VPS35L: variants seen among roughly 807,000 people sequenced by gnomAD.
VPS35L encodes the protein VPS35 endosomal protein-sorting factor-like.
VPS35L carries 83 observed loss-of-function variants against 133.0 expected under a neutral mutation model. That is an observed-to-expected ratio of 0.62 (90% CI 0.52 to 0.75). The LOEUF is 0.75. VPS35L is among the 30% of genes least tolerant of loss of function. The probability of loss-of-function intolerance (pLI) is 0.00; values close to 1 mark genes in which losing one functional copy is unlikely to be tolerated. For synonymous variants in VPS35L, 423 were observed against 449.9 expected (o/e 0.94, Z 0.76); for missense variants, 1,083 against 1,206.8 (o/e 0.90, Z 1.52).
chr16:19,583,224 C>T (rs956443937), intron 7 of VPS35L, among the ~76,000 whole-genome samples: 1 of 152,018 alleles, frequency 6.6e-6, no homozygotes, highest in Non-Finnish European at 1.5e-5. Flanking sequence ...TCCCCAGATT[C>T]CCCCGAGCCT....
intron 19 of VPS35L, among the ~76,000 whole-genome samples, chr16:19,636,761 T>A (rs916724146): frequency 2.6e-5 from 4 of 152,354 alleles, no homozygotes; most frequent in African/African-American, 4.8e-5. Flanking sequence ...TGGAGAGTTC[T>A]ATTTTATTTA....
chr16:19,609,674 G>C (rs1972648303), intron 11 of VPS35L, among the ~76,000 whole-genome samples: 1 of 152,200 alleles, frequency 6.6e-6, no homozygotes, highest in Non-Finnish European at 1.5e-5. Flanking sequence ...GGGAGTGACT[G>C]ATTCATGGTG....
intron 12 of VPS35L, among the ~76,000 whole-genome samples, chr16:19,613,119 G>T (rs1008645504): frequency 6.6e-6 from 1 of 152,142 alleles, no homozygotes; most frequent in Non-Finnish European, 1.5e-5. Flanking sequence ...TGGCCAACAT[G>T]GCAAAAACCT....
intron 27 of VPS35L, among the ~76,000 whole-genome samples, chr16:19,675,532 T>C (rs1024074868): frequency 6.6e-6 from 1 of 152,038 alleles, no homozygotes; most frequent in African/African-American, 2.4e-5. Flanking sequence ...ATTTTTAATT[T>C]TTTTAGGAAA....
rs74011492 is a variant in VPS35L, at chr16:19,670,167, G to A, written c.2361+868G>A. Among the ~76,000 whole-genome samples the A allele has an allele frequency of 9.1e-3, 1,379 of 152,236 alleles. 14 individuals carry two copies. Among genetic ancestry groups the A allele is most frequent in the African/African-American group, 0.031 (1,291 of 41,530 alleles). ...AAGAAAAAGCAAGGGCAAGCTCTCC[G>A]GCCTTTTGAGCAATTGGTCCTCTGG... On this transcript the variant is annotated intron_variant, in intron 27 of 30. Transcript: ENST00000417362.
At chr16:19,637,228 G>T (rs1266867515) in intron 19 of VPS35L, among the ~76,000 whole-genome samples, 1 of 152,182 alleles carries the variant, frequency 6.6e-6, no homozygotes, top group African/African-American at 2.4e-5. Flanking sequence ...CATTAATGGA[G>T]AACTTTCTAA....
At chr16:19,570,112 C>A (rs1336761040) in intron 3 of VPS35L, among the ~76,000 whole-genome samples, 1 of 151,788 alleles carries the variant, frequency 6.6e-6, no homozygotes, top group Admixed American at 6.6e-5. Context: ...GCTGTGTCAC[C>A]CAAACTGGAG....
chr16:19,569,447 A>G lies in VPS35L; in HGVS notation c.141A>G (p.Lys47=), dbSNP rs777349163. The change falls in exon 3 of 31, where the codon AAA becomes AAG. Residue 47 remains lysine (K), a synonymous_variant. Coordinates refer to ENST00000417362, the MANE Select transcript of VPS35L (RefSeq NM_020314.7). ...AGGTCACAGAGTCAAAGACAAAGAA[A>G]GTGAACCGGAAAGGAAGCACTTCTT... The part of the protein sequence containing the change: ...PITVTESKTK[K]VNRKGSTSST... 4 of 1,597,746 alleles carry G rather than the reference A, an allele frequency of 2.5e-6. No homozygotes were observed. The highest frequency in any genetic ancestry group is 1.1e-5 in the South Asian group (1 of 87,764).
At chr16:19,670,244 T>C (rs1974830880) in intron 27 of VPS35L, among the ~76,000 whole-genome samples, 1 of 152,214 alleles carries the variant, frequency 6.6e-6, no homozygotes. Flanking sequence ...ACATTGGGAT[T>C]AGGGTCTCCG....
chr16:19,625,531 A>G (rs1472134644), intron 14 of VPS35L, among the ~76,000 whole-genome samples: 1 of 152,158 alleles, frequency 6.6e-6, no homozygotes, highest in Non-Finnish European at 1.5e-5. Flanking sequence ...AGATGAGATG[A>G]TACCACTTGT....
chr16:19,581,653 G>T lies in VPS35L; in HGVS notation c.639G>T (p.Gln213His). 2 of 1,612,876 alleles carry T rather than the reference G, an allele frequency of 1.2e-6. No individual in the cohort carries two copies. Among genetic ancestry groups the T allele is most frequent in the Non-Finnish European group, 1.7e-6 (2 of 1,179,928 alleles). ...TGAAGGCTCTAAAAATAGTCATCCA[G>T]GTTAGCTCTAGTGATCCCCCACCCC... is the stretch of plus-strand genomic sequence containing the variant. ...QKVKALKIVI[Q>H]CSKLLSDTSV... The change falls in exon 7 of 31, where the codon CAG becomes CAT. Residue 213 changes from glutamine (Q) to histidine (H), a missense_variant and splice_region_variant. Coordinates refer to ENST00000417362, the MANE Select transcript of VPS35L (RefSeq NM_020314.7).
chr16:19,593,985 A>G (rs1444997532), intron 8 of VPS35L, among the ~76,000 whole-genome samples: 4 of 152,156 alleles, frequency 2.6e-5, no homozygotes, highest in Admixed American at 2.6e-4. Context: ...GAGCTTCACA[A>G]GCTGTCCTCA....
In VPS35L at chr16:19,616,801, C is replaced by T; in HGVS notation, c.1217C>T (p.Ala406Val). 6.2e-7 allele frequency: 1 copy of T among 1,614,172 alleles called. No individual in the cohort carries two copies. Among genetic ancestry groups the T allele is most frequent in the Non-Finnish European group, 8.5e-7 (1 of 1,180,034 alleles). The change falls in exon 14 of 31, where the codon GCC becomes GTC. Residue 406 changes from alanine (A) to valine (V), a missense_variant. Ala to Val is a moderately conservative substitution (Grantham distance 64, BLOSUM62 0). Coordinates refer to ENST00000417362, the MANE Select transcript of VPS35L (RefSeq NM_020314.7). The stretch of plus-strand genomic sequence containing the variant: ...ATCTTCCAGTGCATCTCCTACCATG[C>T]CCCCGAGGTAACTGCCAGGTGGCTT... ...DWIFQCISYH[A>V]PEALLTEMME...
At chr16:19,680,822 T>C (rs927681839) in intron 27 of VPS35L, among the ~76,000 whole-genome samples, 18 of 151,788 alleles carry the variant, frequency 1.2e-4, no homozygotes, top group African/African-American at 4.4e-4. Flanking sequence ...AGGTGGAAGA[T>C]CGCTTGAGCT....
At chr16:19,669,392 T>G in intron 27 of VPS35L, 93 bp downstream of exon 27, 1 of 1,395,176 alleles carries the variant, frequency 7.2e-7, no homozygotes, top group Non-Finnish European at 9.6e-7. Flanking sequence ...GCAGGAACAT[T>G]CTATCTAGTA....
At chr16:19,574,493 A>G (rs193293941) in intron 4 of VPS35L, among the ~76,000 whole-genome samples, 1 of 152,332 alleles carries the variant, frequency 6.6e-6, no homozygotes, top group Non-Finnish European at 1.5e-5. Context: ...TTGGCAGGCC[A>G]TGGGGAACGC....
chr16:19,601,709 G>A lies in VPS35L; in HGVS notation c.770G>A (p.Arg257His), dbSNP rs776063425. The A allele has an allele frequency of 1.1e-5, 17 of 1,613,968 alleles. No homozygotes were observed. In the East Asian group the frequency reaches 1.1e-4, roughly 11 times the overall value. ...ERIFSMCVDS[R>H]SVLPDHFSPE... is the part of the protein sequence containing the mutation. ...ATCTTTTCCATGTGTGTGGATAGCC[G>A]CAGCGTCTTACCAGGTAATGTCGCA... Residue 257 changes from arginine to histidine, a missense_variant, in exon 9 of 31, where the codon CGC becomes CAC. By Grantham distance (29) the Arg-to-His change is conservative (BLOSUM62 0). Coordinates refer to ENST00000417362, the MANE Select transcript of VPS35L (RefSeq NM_020314.7).
At position 19,555,726 on chromosome 16, in the gene VPS35L, G is replaced by A. The variant is rs1278543509; in HGVS notation, c.-4G>A. The A allele has an allele frequency of 1.9e-6, 3 of 1,593,696 alleles. No homozygotes were observed. The highest frequency in any genetic ancestry group is 3.5e-5 in the Admixed American group (2 of 56,692). The stretch of plus-strand genomic sequence containing the variant: ...CCAGAACAAGCGGTCATGTGACTGG[G>A]AAGATGGCCGTCTTTCCTTGGTAAG... On this transcript the variant is annotated 5_prime_UTR_variant, in exon 1 of 31. Coordinates refer to ENST00000417362, the MANE Select transcript of VPS35L (RefSeq NM_020314.7).
chr16:19,676,820 C>G (rs1360014035), intron 27 of VPS35L, among the ~76,000 whole-genome samples: 1 of 152,096 alleles, frequency 6.6e-6, no homozygotes. Flanking sequence ...TCATGTTAAA[C>G]AAATAAGTAC....
Sources: allele counts gnomAD v4.1 joint callset (sites outside exome capture counted in the v4.1 genomes callset), GRCh38; gene constraint gnomAD v4.1.1; transcripts MANE v1.5; gene names NCBI Gene and HGNC (gene_info 2026-07-23, HGNC 2026-07-21).